The following FRMPD4 variants were observed in gnomAD, a reference collection of about 807,000 sequenced individuals.
FRMPD4 encodes the protein FERM and PDZ domain-containing protein 4.
Under a neutral mutation model 94.1 loss-of-function variants are expected in FRMPD4, and 22 were observed. That is an observed-to-expected ratio of 0.23 (90% CI 0.17 to 0.33). The LOEUF (loss-of-function observed/expected upper bound fraction) is 0.33. Ranked by LOEUF, FRMPD4 falls within the 10% of genes least tolerant of loss-of-function variation. FRMPD4 has a pLI of 1.00. For synonymous variants in FRMPD4, 631 were observed against 548.6 expected (o/e 1.15, Z -2.10); for missense variants, 1,111 against 1,339.9 (o/e 0.83, Z 2.67).
intron 2 of FRMPD4, among the ~76,000 whole-genome samples, chrX:12,571,453 T>C (rs1464963838): frequency 8.9e-6 from 1 of 112,724 alleles, no homozygotes; most frequent in Non-Finnish European, 1.9e-5. Context: ...CCTGCCTGTT[T>C]CCCCTTTCTC....
chrX:12,363,636 G>A (rs1232132311), intron 1 of FRMPD4, among the ~76,000 whole-genome samples: 1 of 112,469 alleles, frequency 8.9e-6, no homozygotes, highest in Non-Finnish European at 1.9e-5. Context: ...GGCTTTGATG[G>A]GTACATAGTA....
At chrX:11,931,409 A>G (rs1173536690) in intron 3 of FRMPD4, among the ~76,000 whole-genome samples, 1 of 111,939 alleles carries the variant, frequency 8.9e-6, no homozygotes, top group Non-Finnish European at 1.9e-5. Flanking sequence ...CTGGGTCTAG[A>G]GTCATCTGGA....
Position 12,138,789 on chromosome X carries a change from G to T in FRMPD4, c.-183G>T. 8.3e-6 allele frequency: 3 copies of T among 360,821 alleles called. No homozygotes were observed. Among genetic ancestry groups the T allele is most frequent in the Non-Finnish European group, 1.4e-5 (3 of 210,879 alleles). The allele number at this position is 360,821 out of a possible 1,213,427, so 29.7% of individuals were successfully genotyped here. A position where few individuals can be genotyped will look rare whatever the true frequency, so the allele number is the denominator to read the frequency against. On this transcript the variant is annotated 5_prime_UTR_variant, in exon 1 of 17. It introduces an in-frame stop codon into an upstream open reading frame of the 5' UTR. Coordinates refer to ENST00000675598, the MANE Select transcript of FRMPD4 (RefSeq NM_001368397.1). ...GGGGATGCACACGCAGCTCGCGGCC[G>T]GAGGGGGGTAGCAGCCGCCGCCTCC...
At chrX:12,255,068 G>C (rs376697230) in intron 1 of FRMPD4, among the ~76,000 whole-genome samples, 3 of 111,513 alleles carry the variant, frequency 2.7e-5, no homozygotes, top group East Asian at 5.6e-4. Context: ...CTTCCTTCCT[G>C]CAATGGAGTA....
At chrX:12,347,407 T>G (rs2055730749) in intron 1 of FRMPD4, among the ~76,000 whole-genome samples, 1 of 110,149 alleles carries the variant, frequency 9.1e-6, no homozygotes, top group Non-Finnish European at 1.9e-5. Context: ...TGGGCTAATT[T>G]TTTTTTTTAG....
intron 3 of FRMPD4, among the ~76,000 whole-genome samples, chrX:11,935,072 ATTTT>A (rs753999126): frequency 5.0e-5 from 2 of 40,240 alleles, no homozygotes; most frequent in African/African-American, 2.4e-4. Context: ...ACTATTGGTG[ATTTT>A]TTTTTTTTTT....
intron 13 of FRMPD4, among the ~76,000 whole-genome samples, chrX:12,708,430 T>C (rs1430614103): frequency 1.8e-4 from 19 of 104,044 alleles, no homozygotes; most frequent in Middle Eastern, 9.4e-3. Context: ...GATCGTGCCA[T>C]TGAACTTCAG....
intron 3 of FRMPD4, among the ~76,000 whole-genome samples, chrX:11,963,757 T>C (rs2054295542): frequency 9.0e-6 from 1 of 111,669 alleles, no homozygotes; most frequent in East Asian, 2.8e-4. Context: ...AGGTTAAAAT[T>C]GGCAAGCCTA....
At chrX:12,567,719 T>C (rs1249946817) in intron 2 of FRMPD4, among the ~76,000 whole-genome samples, 1 of 111,410 alleles carries the variant, frequency 9.0e-6, no homozygotes, top group Non-Finnish European at 1.9e-5. Context: ...AGATGTTTCC[T>C]GCACTAGGAT....
intron 1 of FRMPD4, among the ~76,000 whole-genome samples, chrX:12,261,827 C>T (rs1008687257): frequency 3.6e-5 from 4 of 111,930 alleles, no homozygotes; most frequent in African/African-American, 1.3e-4. Flanking sequence ...TTTCATTTTG[C>T]ATATTCAAAA....
At chrX:11,925,809 T>C (rs968407857) in intron 3 of FRMPD4, among the ~76,000 whole-genome samples, 1 of 110,926 alleles carries the variant, frequency 9.0e-6, no homozygotes, top group Non-Finnish European at 1.9e-5. Flanking sequence ...GTTAGAAAGA[T>C]CTCAAGCTAA....
At chrX:12,116,563 C>G (rs757398952) in intron 3 of FRMPD4, among the ~76,000 whole-genome samples, 1 of 111,816 alleles carries the variant, frequency 8.9e-6, no homozygotes, top group African/African-American at 3.2e-5. Flanking sequence ...TTTTTCAACT[C>G]TGCCTGAGAT....
At chrX:11,993,527 A>G (rs1291759755) in intron 3 of FRMPD4, among the ~76,000 whole-genome samples, 2 of 112,140 alleles carry the variant, frequency 1.8e-5, no homozygotes, top group Non-Finnish European at 3.8e-5. Flanking sequence ...CCTGTTGATA[A>G]CCACTGGTCT....
At position 12,138,902 on chromosome X, in the gene FRMPD4, C is replaced by A; in HGVS notation, c.-70C>A. ...CACTGAGGTCTTGGCCATGGGGCTG[C>A]GGAGGCTGCTGTTGCTGGCGTGAGA... On this transcript the variant is annotated 5_prime_UTR_variant, in exon 1 of 17. Transcript: ENST00000675598. The A allele has an allele frequency of 2.5e-5, 23 of 931,947 alleles. No individual in the cohort carries two copies. The highest frequency in any genetic ancestry group is 3.3e-5 in the Non-Finnish European group (23 of 688,391). 76.8% of individuals were successfully genotyped at this position (931,947 alleles called of 1,213,427 possible). A position where few individuals can be genotyped will look rare whatever the true frequency, so the allele number is the denominator to read the frequency against.
At chrX:12,715,023 G>A (rs2042053940) in intron 14 of FRMPD4, among the ~76,000 whole-genome samples, 1 of 112,279 alleles carries the variant, frequency 8.9e-6, no homozygotes, top group African/African-American at 3.2e-5. Context: ...TTTCCCATAT[G>A]TCTTGCACAT....
At chrX:12,003,386 AGTGTGTGT>A (rs34756228) in intron 3 of FRMPD4, among the ~76,000 whole-genome samples, 2 of 102,189 alleles carry the variant, frequency 2.0e-5, no homozygotes, top group Admixed American at 1.1e-4. Flanking sequence ...CAGTTTGGCA[AGTGTGTGT>A]GTGTGTGTGT....
At chrX:12,232,240 A>G (rs2057018675) in intron 1 of FRMPD4, among the ~76,000 whole-genome samples, 1 of 111,610 alleles carries the variant, frequency 9.0e-6, no homozygotes, top group African/African-American at 3.3e-5. Context: ...ATGCTGCTGT[A>G]AGGATATACC....
chrX:12,515,018 G>A (rs1024866409), intron 2 of FRMPD4, among the ~76,000 whole-genome samples: 10 of 111,948 alleles, frequency 8.9e-5, no homozygotes, highest in African/African-American at 3.2e-4. Context: ...GGTATTTATA[G>A]TATGCTCTGA....
intron 1 of FRMPD4, among the ~76,000 whole-genome samples, chrX:12,250,072 TTG>T (rs72178576): frequency 0.21 from 19,511 of 91,109 alleles, 1,873 homozygotes; most frequent in East Asian, 0.5. Context: ...GTTTGTGTGT[TTG>T]TGTGTGTGTG....
Sources: gnomAD v4.1 joint callset for allele counts (sites outside exome capture counted in the v4.1 genomes callset) on GRCh38, gnomAD v4.1.1 for gene constraint, MANE v1.5 for transcripts, NCBI Gene and HGNC (gene_info 2026-07-23, HGNC 2026-07-21) for gene names.